TRIM55: variants seen among roughly 807,000 people sequenced by gnomAD.
TRIM55 encodes the protein tripartite motif containing 55.
In TRIM55, 50 loss-of-function variants were observed where a neutral mutation model predicts 60.9. The observed-to-expected ratio is 0.82, with a 90% CI of 0.65 to 1.04. The LOEUF (loss-of-function observed/expected upper bound fraction) is 1.04, where lower values mean the gene tolerates loss of function less well. Ranked by LOEUF, TRIM55 falls within the 50% of genes least tolerant of loss-of-function variation. TRIM55 has a pLI of 0.00. For synonymous variants in TRIM55, 237 were observed against 238.1 expected (o/e 1.00, Z 0.04); for missense variants, 681 against 666.9 (o/e 1.02, Z -0.23).
intron 9 of TRIM55, among the ~76,000 whole-genome samples, chr8:66,156,949 T>C (rs1390179258): frequency 6.6e-6 from 1 of 152,164 alleles, no homozygotes; most frequent in African/African-American, 2.4e-5. Context: ...AGTGGGAGGA[T>C]GTATTGGCCA....
At chr8:66,147,904 A>G (rs2128979222) in intron 4 of TRIM55, among the ~76,000 whole-genome samples, 1 of 152,310 alleles carries the variant, frequency 6.6e-6, no homozygotes. Flanking sequence ...CTACCCTCAA[A>G]AAAAATATAC....
chr8:66,134,449 G>T (rs1809356634), intron 2 of TRIM55, among the ~76,000 whole-genome samples: 1 of 152,154 alleles, frequency 6.6e-6, no homozygotes, highest in Admixed American at 6.5e-5. Context: ...GGTGAAAAGG[G>T]TCTTTCCTGG....
intron 4 of TRIM55, among the ~76,000 whole-genome samples, chr8:66,144,138 C>T (rs1470575066): frequency 6.6e-6 from 1 of 152,132 alleles, no homozygotes; most frequent in Non-Finnish European, 1.5e-5. Flanking sequence ...GGCAACAGTT[C>T]AACAATGGCT....
At chr8:66,149,550 T>C in intron 4 of TRIM55, 95 bp from the exon 5 acceptor site, 1 of 972,542 alleles carries the variant, frequency 1.0e-6, no homozygotes, top group Non-Finnish European at 1.6e-6. Flanking sequence ...ATATCCTACA[T>C]AAGTAAATGT....
chr8:66,152,169 G>A (rs1810465998), intron 7 of TRIM55: 2 of 631,306 alleles, frequency 3.2e-6, no homozygotes, highest in Non-Finnish European at 2.7e-6. Flanking sequence ...GAACAAGGAG[G>A]ATAGGGATGG....
At chr8:66,154,005 T>TC (rs1188255583) in intron 8 of TRIM55, 42 bp from the exon 9 acceptor site, 33 of 1,466,800 alleles carry the variant, frequency 2.2e-5, no homozygotes, top group African/African-American at 7.3e-5. Flanking sequence ...TTCTTCTTCT[T>TC]TTTTTTTTTC....
chr8:66,158,889 A>G (rs1249905374), intron 9 of TRIM55, among the ~76,000 whole-genome samples: 1 of 152,234 alleles, frequency 6.6e-6, no homozygotes, highest in East Asian at 1.9e-4. Context: ...TGAACTCCAC[A>G]GCCATGATGA....
At chr8:66,159,929 C>T (rs73249998) in intron 9 of TRIM55, among the ~76,000 whole-genome samples, 2 of 152,270 alleles carry the variant, frequency 1.3e-5, no homozygotes, top group South Asian at 4.1e-4. Flanking sequence ...CTGGATAAAA[C>T]TTCCTTATCA....
rs371774548 is a variant in TRIM55 at position 66,137,206 on chromosome 8, C to G, written c.603+16C>G. ...AACTATCGAGGTGAGTCAGGTGACTCCCACAGCGTCTCAACCAAGCCTGCA... is the reference window on the plus strand; with the variant it reads ...AACTATCGAGGTGAGTCAGGTGACTGCCACAGCGTCTCAACCAAGCCTGCA... On this transcript the variant is annotated intron_variant, in intron 4 of 9. Coordinates refer to ENST00000315962, the MANE Select transcript of TRIM55 (RefSeq NM_184085.2). 6 of 1,604,014 alleles carry G rather than the reference C, an allele frequency of 3.7e-6. No individual in the cohort carries two copies. The highest frequency in any genetic ancestry group is 5.1e-6 in the Non-Finnish European group (6 of 1,171,426).
intron 9 of TRIM55, among the ~76,000 whole-genome samples, chr8:66,160,924 C>T (rs374631941): frequency 6.6e-6 from 1 of 150,396 alleles, no homozygotes; most frequent in South Asian, 2.1e-4. Flanking sequence ...GATATTAGTC[C>T]TTTGTTGGAT....
At chr8:66,120,182 A>G in the TRIM55 span, among the ~76,000 whole-genome samples, 1 of 152,076 alleles carries the variant, frequency 6.6e-6, no homozygotes. Context: ...CATATTTATC[A>G]TATTTGTTGT....
the TRIM55 span, among the ~76,000 whole-genome samples, chr8:66,118,707 T>C: frequency 6.6e-6 from 1 of 152,188 alleles, no homozygotes; most frequent in African/African-American, 2.4e-5. Flanking sequence ...CCCTGAGCTC[T>C]AGGATACCAA....
chr8:66,149,745 G>A lies in TRIM55; in HGVS notation c.704G>A (p.Arg235Gln), dbSNP rs57965472. 396 of 1,614,118 alleles carry A rather than the reference G, an allele frequency of 2.5e-4. No homozygotes were observed. In the African/African-American group the frequency reaches 4.2e-3, roughly 17 times the overall value. Reference sequence around the variant, plus strand: ...AATGAAATGACCCAAGTCATTACCCGAACCCAAGAGGAGAAACTGGAACAT... The same window carrying A: ...AATGAAATGACCCAAGTCATTACCCAAACCCAAGAGGAGAAACTGGAACAT... Reference protein sequence around the residue: ...RKNEMTQVITRTQEEKLEHVR... With the variant: ...RKNEMTQVITQTQEEKLEHVR... The change falls in exon 5 of 10, where the codon CGA (arginine) becomes CAA (glutamine). Residue 235 changes from arginine (R) to glutamine (Q), a missense_variant. Physicochemically the swap from Arg to Gln is conservative, Grantham distance 43. Coordinates refer to ENST00000315962, the MANE Select transcript of TRIM55 (RefSeq NM_184085.2).
chr8:66,151,540 C>T (rs371462418), intron 7 of TRIM55, among the ~76,000 whole-genome samples: 49 of 152,208 alleles, frequency 3.2e-4, no homozygotes, highest in East Asian at 7.7e-4. Flanking sequence ...TCCTTAATGT[C>T]GCCTGAGGGA....
intron 9 of TRIM55, among the ~76,000 whole-genome samples, chr8:66,165,518 C>T (rs1281036389): frequency 6.6e-6 from 1 of 151,732 alleles, no homozygotes; most frequent in African/African-American, 2.4e-5. Context: ...TTTTCCAAAA[C>T]AAACGGAAGT....
At chr8:66,162,651 G>A (rs1811117731) in intron 9 of TRIM55, among the ~76,000 whole-genome samples, 1 of 152,098 alleles carries the variant, frequency 6.6e-6, no homozygotes, top group South Asian at 2.1e-4. Context: ...TCTGGTCCTA[G>A]ACCTTTTTTT....
chr8:66,157,885 A>G (rs901249113), intron 9 of TRIM55, among the ~76,000 whole-genome samples: 1 of 152,116 alleles, frequency 6.6e-6, no homozygotes, highest in Non-Finnish European at 1.5e-5. Context: ...CAAAAACCAA[A>G]CATCAGCTTC....
At chr8:66,151,854 A>T (rs1586218330) in intron 7 of TRIM55, among the ~76,000 whole-genome samples, 2 of 29,630 alleles carry the variant, frequency 6.7e-5, no homozygotes, top group South Asian at 1.5e-3. Context: ...AAAAAATAAT[A>T]AATAAATAAA....
rs759476010 is a variant in TRIM55 at position 66,137,207 on chromosome 8, C to T, written c.603+17C>T. 3 of 1,603,258 alleles carry T rather than the reference C, an allele frequency of 1.9e-6. No homozygotes were observed. In the South Asian group the frequency reaches 3.3e-5, roughly 18 times the overall value. Reference sequence around the variant, plus strand: ...ACTATCGAGGTGAGTCAGGTGACTCCCACAGCGTCTCAACCAAGCCTGCAA... The same window carrying T: ...ACTATCGAGGTGAGTCAGGTGACTCTCACAGCGTCTCAACCAAGCCTGCAA... On this transcript the variant is annotated intron_variant, in intron 4 of 9. Coordinates refer to ENST00000315962, the MANE Select transcript of TRIM55 (RefSeq NM_184085.2).
Sources: gnomAD v4.1 joint callset for allele counts (sites outside exome capture counted in the v4.1 genomes callset) on GRCh38, gnomAD v4.1.1 for gene constraint, MANE v1.5 for transcripts, NCBI Gene and HGNC (gene_info 2026-07-23, HGNC 2026-07-21) for gene names.